GSC2: variants seen among roughly 807,000 people sequenced by gnomAD.
GSC2 encodes the protein goosecoid homeobox 2.
A neutral mutation model predicts 11.3 loss-of-function variants in GSC2; 12 were observed. That is an observed-to-expected ratio of 1.06 (90% CI 0.68 to 1.72). The LOEUF is 1.72. GSC2 is among the 40% of genes most tolerant of loss of function. The pLI is 0.00. For missense variants in GSC2, 310 were observed against 235.7 expected, an observed-to-expected ratio of 1.32 and a Z score of -2.06; for synonymous variants, 148 against 110.0, an observed-to-expected ratio of 1.35 and a Z score of -2.16.
At chr22:19,149,974 GCCGCGCC>G in intron 1 of GSC2, 44 bp downstream of exon 1, 1 of 1,176,690 alleles carries the variant, frequency 8.5e-7, no homozygotes, top group Non-Finnish European at 1.0e-6. Flanking sequence ...CACCCACTGC[GCCGCGCC>G]CCGGGCTCCG....
In GSC2 at chr22:19,150,146, A is replaced by C; in HGVS notation, c.138T>G (p.Gly46=). Residue 46 remains glycine, a synonymous_variant, in exon 1 of 3, where the codon GGT becomes GGG. Transcript: ENST00000086933. ...ARAACPPQPA[G]RQSPAKPEEP... ...CCTCTGGCTTCGCGGGGCTCTGGCG[A>C]CCGGCGGGCTGCGGTGGGCAGGCGG... 1.1e-6 allele frequency: 1 copy of C among 888,604 alleles called. No individual in the cohort carries two copies. Among genetic ancestry groups the C allele is most frequent in the Non-Finnish European group, 1.4e-6 (1 of 732,188 alleles). The allele number at this position is 888,604 out of a possible 1,614,324, so 55.0% of individuals were successfully genotyped here.
At chr22:19,149,310 C>A (rs1405753884) in intron 2 of GSC2, among the ~76,000 whole-genome samples, 3 of 152,238 alleles carry the variant, frequency 2.0e-5, no homozygotes, top group Non-Finnish European at 4.4e-5. Context: ...CCCCTTAGTA[C>A]CCGCCCCAGC....
rs1555918088 is a variant in GSC2, at chr22:19,149,814, C to T, written c.362G>A (p.Gly121Asp). The T allele has an allele frequency of 1.3e-6, 2 of 1,569,934 alleles. No homozygotes were observed. Among genetic ancestry groups the T allele is most frequent in the African/African-American group, 1.4e-5 (1 of 71,170 alleles). ...SGALPGAVGPGSQRRTRRHRT... is the reference protein window; with the variant it reads ...SGALPGAVGPDSQRRTRRHRT... ...GTGGCGCCTCGTGCGCCGCTGCGAA[C>T]CCGGGCCGACCGCGCCCGGGAGCGC... is the stretch of plus-strand genomic sequence containing the variant. Residue 121 changes from glycine to aspartate, a missense_variant, in exon 2 of 3, where the codon GGT (glycine) becomes GAT (aspartate). Coordinates refer to ENST00000086933, the MANE Select transcript of GSC2 (RefSeq NM_005315.2).
rs1289569533 is a variant in GSC2 at position 19,147,522 on chromosome 22, GC to G, written c.*1468del. ...GCCATTCAACCAAGGAACTCAAGGG[GC>G]CTGGAGCCTGTGAGATGCGAGTGTC... On this transcript the variant is annotated 3_prime_UTR_variant, in exon 3 of 3. Coordinates refer to ENST00000086933, the MANE Select transcript of GSC2 (RefSeq NM_005315.2). Among the ~76,000 whole-genome samples the G allele has an allele frequency of 6.6e-6, 1 of 152,174 alleles. No individual in the cohort carries two copies. Among genetic ancestry groups the G allele is most frequent in the East Asian group, 1.9e-4 (1 of 5,196 alleles).
intron 2 of GSC2, 68 bp from the exon 3 acceptor site, chr22:19,149,163 C>A: frequency 1.0e-6 from 1 of 981,600 alleles, no homozygotes; most frequent in South Asian, 1.8e-5. Context: ...GAGGGTCCCA[C>A]AGGGACCGAG....
chr22:19,147,929 C>T lies in GSC2; in HGVS notation c.*1062G>A, dbSNP rs1555917654. On this transcript the variant is annotated 3_prime_UTR_variant, in exon 3 of 3. Coordinates refer to ENST00000086933, the MANE Select transcript of GSC2 (RefSeq NM_005315.2). The stretch of plus-strand genomic sequence containing the variant: ...TGCTTTGGACCCACTGTAGGGCCTA[C>T]TTGGGGAATCTAAGGCTTCTTTCCA... Among the ~76,000 whole-genome samples, 1 of 152,122 alleles carries T rather than the reference C, an allele frequency of 6.6e-6. No homozygotes were observed. The highest frequency in any genetic ancestry group is 2.4e-5 in the African/African-American group (1 of 41,406).
At chr22:19,149,415 C>T (rs1255468972) in intron 2 of GSC2, among the ~76,000 whole-genome samples, 2 of 152,232 alleles carry the variant, frequency 1.3e-5, no homozygotes, top group African/African-American at 4.8e-5. Context: ...CTTTCGTCAC[C>T]AGAGGAAAGT....
rs115765934 is a variant in GSC2 at position 19,148,873 on chromosome 22, G to A, written c.*118C>T. On this transcript the variant is annotated 3_prime_UTR_variant, in exon 3 of 3. Transcript: ENST00000086933. ...TGCAGGAGGCAAGGGCTGTGGAGACGGGTGGAGGCGGCCGGTGTACTCTCC... is the reference window on the plus strand; with the variant it reads ...TGCAGGAGGCAAGGGCTGTGGAGACAGGTGGAGGCGGCCGGTGTACTCTCC... 440 of 618,702 alleles carry A rather than the reference G, an allele frequency of 7.1e-4. 3 individuals are homozygous for A. The African/African-American group carries it at 7.6e-3, about 11-fold the overall frequency. 38.3% of individuals were successfully genotyped at this position (618,702 alleles called of 1,614,324 possible). A position where few individuals can be genotyped will look rare whatever the true frequency, so the allele number is the denominator to read the frequency against.
intron 2 of GSC2, among the ~76,000 whole-genome samples, 171 bp from the exon 3 acceptor site, chr22:19,149,266 A>T (rs559203386): frequency 6.6e-6 from 1 of 152,052 alleles, no homozygotes; most frequent in East Asian, 1.9e-4. Flanking sequence ...TTCGCTGCGG[A>T]CAGACTCGGT....
Position 19,149,688 on chromosome 22 carries a change from A to T in GSC2, c.488T>A (p.Ile163Asn). 6.4e-7 allele frequency: 1 copy of T among 1,563,610 alleles called. No individual in the cohort carries two copies. Among genetic ancestry groups the T allele is most frequent in the African/African-American group, 1.4e-5 (1 of 71,406 alleles). Residue 163 changes from isoleucine (I) to asparagine (N), a missense_variant, in exon 2 of 3, where the codon ATC becomes AAC. Physicochemically the swap from Ile to Asn is moderately radical, Grantham distance 149. Coordinates refer to ENST00000086933, the MANE Select transcript of GSC2 (RefSeq NM_005315.2). ...VSTRERLAGR[I>N]RLREERVEVW... is the part of the protein sequence containing the mutation. ...CTCCACGCGCTCCTCGCGAAGGCGGATGCGGCCGGCCAGGCGCTCGCGCGT... is the reference window on the plus strand; with the variant it reads ...CTCCACGCGCTCCTCGCGAAGGCGGTTGCGGCCGGCCAGGCGCTCGCGCGT...
Position 19,150,140 on chromosome 22 carries a change from C to G in GSC2, c.144G>C (p.Gln48His). ...AACPPQPAGR[Q>H]SPAKPEEPGA... ...CGGGCTCCTCTGGCTTCGCGGGGCT[C>G]TGGCGACCGGCGGGCTGCGGTGGGC... The change falls in exon 1 of 3, where the codon CAG becomes CAC. Residue 48 changes from glutamine to histidine, a missense_variant. Coordinates refer to ENST00000086933, the MANE Select transcript of GSC2 (RefSeq NM_005315.2). The G allele has an allele frequency of 1.1e-6, 1 of 942,666 alleles. No individual in the cohort carries two copies. The highest frequency in any genetic ancestry group is 1.3e-6 in the Non-Finnish European group (1 of 781,884). 58.4% of individuals were successfully genotyped at this position (942,666 alleles called of 1,614,324 possible).
In GSC2 at chr22:19,149,816, CG is replaced by C; in HGVS notation, c.359del (p.Pro120ArgfsTer34). ...GGCGCCTCGTGCGCCGCTGCGAACC[CG>C]GGCCGACCGCGCCCGGGAGCGCCCC... ...GSGALPGAVG[P>X]GSQRRTRRHR... On this transcript the variant is annotated frameshift_variant, in exon 2 of 3. Coordinates refer to ENST00000086933, the MANE Select transcript of GSC2 (RefSeq NM_005315.2). LOFTEE classifies it high-confidence loss of function. 3 of 1,568,380 alleles carry C rather than the reference CG, an allele frequency of 1.9e-6. No homozygotes were observed. The highest frequency in any genetic ancestry group is 2.6e-6 in the Non-Finnish European group (3 of 1,161,082).
rs971163446 is a variant in GSC2, at chr22:19,147,990, G to A, written c.*1001C>T. 1.3e-5 allele frequency among the ~76,000 whole-genome samples: 2 copies of A among 152,162 alleles called. No individual in the cohort carries two copies. Among genetic ancestry groups the A allele is most frequent in the Admixed American group, 6.5e-5 (1 of 15,284 alleles). On this transcript the variant is annotated 3_prime_UTR_variant, in exon 3 of 3. Transcript: ENST00000086933. The stretch of plus-strand genomic sequence containing the variant: ...TGCCATGGGCCAGGATAAAGAAGGG[G>A]AGGGCAGGCATCTTCCCAGGCAGCA...
At chr22:19,149,602 AC>A (rs2083814935) in intron 2 of GSC2, 60 bp downstream of exon 2, 1 of 1,412,966 alleles carries the variant, frequency 7.1e-7, no homozygotes. Context: ...GCCCGCCAGG[AC>A]CCCAGTCCAG....
chr22:19,149,686 G>C lies in GSC2; in HGVS notation c.490C>G (p.Arg164Gly). The change falls in exon 2 of 3, where the codon CGC becomes GGC. Residue 164 changes from arginine (R) to glycine (G), a missense_variant. Coordinates refer to ENST00000086933, the MANE Select transcript of GSC2 (RefSeq NM_005315.2). ...STRERLAGRI[R>G]LREERVEVWF... ...ACCTCCACGCGCTCCTCGCGAAGGCGGATGCGGCCGGCCAGGCGCTCGCGC... is the reference window on the plus strand; with the variant it reads ...ACCTCCACGCGCTCCTCGCGAAGGCCGATGCGGCCGGCCAGGCGCTCGCGC... The C allele has an allele frequency of 5.1e-6, 8 of 1,561,958 alleles. No individual in the cohort carries two copies. The highest frequency in any genetic ancestry group is 6.9e-6 in the Non-Finnish European group (8 of 1,157,836).
At chr22:19,149,970 C>G (rs1304955338) in intron 1 of GSC2, 54 bp from the exon 2 acceptor site, 2 of 1,186,292 alleles carry the variant, frequency 1.7e-6, no homozygotes, top group Non-Finnish European at 2.1e-6. Flanking sequence ...TCGGCACCCA[C>G]TGCGCCGCGC....
Position 19,149,799 on chromosome 22 carries a change from G to A in GSC2, c.377C>T (p.Thr126Met), listed in dbSNP as rs781950585. Residue 126 changes from threonine to methionine, a missense_variant, in exon 2 of 3, where the codon ACG becomes ATG. By Grantham distance (81) the Thr-to-Met change is moderately conservative. Transcript: ENST00000086933. The stretch of plus-strand genomic sequence containing the variant: ...GCTGAAGATGGTGCGGTGGCGCCTC[G>A]TGCGCCGCTGCGAACCCGGGCCGAC... ...GAVGPGSQRR[T>M]RRHRTIFSEE... 2.5e-6 allele frequency: 4 copies of A among 1,582,116 alleles called. No individual in the cohort carries two copies. Among genetic ancestry groups the A allele is most frequent in the Admixed American group, 3.5e-5 (2 of 57,098 alleles).
chr22:19,149,307 G>C (rs2083812074), intron 2 of GSC2, among the ~76,000 whole-genome samples: 1 of 152,234 alleles, frequency 6.6e-6, no homozygotes, highest in South Asian at 2.1e-4. Context: ...AACCCCCTTA[G>C]TACCCGCCCC....
In GSC2 at chr22:19,148,997, G is replaced by C; in HGVS notation, c.612C>G (p.Ser204Arg). 1.3e-6 allele frequency: 2 copies of C among 1,584,568 alleles called. No homozygotes were observed. Among genetic ancestry groups the C allele is most frequent in the South Asian group, 1.1e-5 (1 of 88,166 alleles). The part of the protein sequence containing the change: ...LPGVKKSPKG[S>R]C ...GGGGCAGCTCCTAGAGTCATCAGCA[G>C]CTCCCCTTCGGGGACTTCTTGACGC... The change falls in exon 3 of 3, where the codon AGC becomes AGG. Residue 204 changes from serine to arginine, a missense_variant. Transcript: ENST00000086933.
Sources: allele counts gnomAD v4.1 joint callset (sites outside exome capture counted in the v4.1 genomes callset), GRCh38; gene constraint gnomAD v4.1.1; transcripts MANE v1.5; gene names NCBI Gene and HGNC (gene_info 2026-07-23, HGNC 2026-07-21).